COL27A1: variants seen among roughly 807,000 people sequenced by gnomAD.
COL27A1 encodes the protein collagen alpha-1(XXVII) chain.
COL27A1 carries 106 observed loss-of-function variants against 251.3 expected under a neutral mutation model. That is an observed-to-expected ratio of 0.42 (90% confidence interval 0.36 to 0.50). The LOEUF (loss-of-function observed/expected upper bound fraction) is 0.50. Ranked by LOEUF, COL27A1 falls within the 20% of genes least tolerant of loss-of-function variation. COL27A1 has a pLI of 0.00. For synonymous variants in COL27A1, 1,000 were observed against 986.3 expected, an observed-to-expected ratio of 1.01 and a Z score of -0.26; for missense variants, 2,325 against 2,522.8, an observed-to-expected ratio of 0.92 and a Z score of 1.68.
intron 3 of COL27A1, among the ~76,000 whole-genome samples, chr9:114,173,337 G>C (rs1849457774): frequency 6.6e-6 from 1 of 152,268 alleles, no homozygotes; most frequent in African/African-American, 2.4e-5. Flanking sequence ...CACGTGCTCT[G>C]TGACTATCTA....
chr9:114,235,295 G>T (rs1468265202), intron 16 of COL27A1, among the ~76,000 whole-genome samples: 1 of 152,180 alleles, frequency 6.6e-6, no homozygotes, highest in African/African-American at 2.4e-5. Context: ...CACTTGATTT[G>T]CTCTGCATCA....
intron 44 of COL27A1, 57 bp from the exon 45 acceptor site, chr9:114,289,157 CCCCTCCCCCTCCAGGCGGAGACTGGCCA>C: frequency 7.9e-7 from 1 of 1,266,836 alleles, no homozygotes; most frequent in Non-Finnish European, 1.1e-6. Context: ...CCCCTCCCCA[CCCCTCCCCCTCCAGGCGGAGACTGGCCA>C]CCCTCCCCGG....
At chr9:114,238,340 T>C (rs1157652897) in intron 19 of COL27A1, among the ~76,000 whole-genome samples, 1 of 152,224 alleles carries the variant, frequency 6.6e-6, no homozygotes, top group African/African-American at 2.4e-5. Context: ...GGGTTCTTTT[T>C]GACGCCCCCG....
rs756468909 is a variant in COL27A1 at position 114,309,244 on chromosome 9, C to T, written c.5218-16C>T. Reference sequence around the variant, plus strand: ...GGGGGCAGCCTGAGCCGCTCACTGCCGTTGCTTCTCTATAGGTCGAGTTTG... The same window carrying T: ...GGGGGCAGCCTGAGCCGCTCACTGCTGTTGCTTCTCTATAGGTCGAGTTTG... On this transcript the variant is annotated splice_polypyrimidine_tract_variant and intron_variant, in intron 59 of 60. Transcript: ENST00000356083. The T allele has an allele frequency of 1.6e-5, 25 of 1,612,224 alleles. No homozygotes were observed. The highest frequency in any genetic ancestry group is 6.7e-5 in the African/African-American group (5 of 74,864).
intron 28 of COL27A1, among the ~76,000 whole-genome samples, chr9:114,260,867 C>T (rs923943646): frequency 2.6e-5 from 4 of 152,186 alleles, no homozygotes; most frequent in Non-Finnish European, 5.9e-5. Context: ...AGGTTAGAGA[C>T]TTTAATTCCT....
At chr9:114,299,486 A>G (rs1828468973) in intron 49 of COL27A1, among the ~76,000 whole-genome samples, 2 of 152,174 alleles carry the variant, frequency 1.3e-5, no homozygotes, top group South Asian at 4.1e-4. Context: ...AAGGAGGCCA[A>G]AGGTTCCTGG....
chr9:114,275,750 T>A lies in COL27A1; in HGVS notation c.3699T>A (p.Pro1233=), dbSNP rs1835459357. 1 of 1,547,884 alleles carries A rather than the reference T, an allele frequency of 6.5e-7. No individual in the cohort carries two copies. The highest frequency in any genetic ancestry group is 2.4e-5 in the East Asian group (1 of 40,876). Residue 1233 remains proline (P), a synonymous_variant, in exon 37 of 61, where the codon CCT becomes CCA. Coordinates refer to ENST00000356083, the MANE Select transcript of COL27A1 (RefSeq NM_032888.4). ...LMGEDGPPGP[P]GVTGVRGPEG... The stretch of plus-strand genomic sequence containing the variant: ...GTGAGGACGGGCCCCCCGGCCCCCC[T>A]GGCGTCACTGGTGTCCGGGTGAGTG...
intron 34 of COL27A1, 55 bp from the exon 35 acceptor site, chr9:114,269,186 G>A (rs376560335): frequency 3.5e-5 from 47 of 1,327,486 alleles, no homozygotes; most frequent in African/African-American, 8.9e-5. Context: ...AAGGGGTGTC[G>A]AGAGCTGGGG....
chr9:114,160,890 G>A (rs1016961822), intron 1 of COL27A1, among the ~76,000 whole-genome samples: 1 of 152,182 alleles, frequency 6.6e-6, no homozygotes, highest in African/African-American at 2.4e-5. Context: ...TCTACATGAT[G>A]GGAGTAGCAT....
intron 35 of COL27A1, 147 bp downstream of exon 35, chr9:114,269,441 C>T: frequency 1.8e-6 from 1 of 556,062 alleles, no homozygotes; most frequent in Non-Finnish European, 3.2e-6. Flanking sequence ...CGCCCAGTCT[C>T]TCTTGGTAGG....
chr9:114,192,494 T>C (rs1291592474), intron 5 of COL27A1, among the ~76,000 whole-genome samples: 2 of 152,076 alleles, frequency 1.3e-5, no homozygotes, highest in South Asian at 4.1e-4. Context: ...GGGGCCCAGA[T>C]GGACAGAGTT....
chr9:114,300,113 T>C lies in COL27A1; in HGVS notation c.4628T>C (p.Phe1543Ser). The C allele has an allele frequency of 6.2e-7, 1 of 1,614,144 alleles. No individual in the cohort carries two copies. Among genetic ancestry groups the C allele is most frequent in the Non-Finnish European group, 8.5e-7 (1 of 1,179,992 alleles). The part of the protein sequence containing the change: ...EMGFPGMAGL[F>S]GPKGPPGDIG... ...GGCTTCCCAGGAATGGCAGGTCTCT[T>C]CGGACCCAAGGTATGGACTCCCACG... Residue 1543 changes from phenylalanine to serine, a missense_variant, in exon 50 of 61, where the codon TTC (phenylalanine) becomes TCC (serine). Phe to Ser is a radical substitution (Grantham distance 155). Transcript: ENST00000356083.
intron 36 of COL27A1, 148 bp downstream of exon 36, chr9:114,270,929 G>A: frequency 1.5e-6 from 1 of 682,578 alleles, no homozygotes; most frequent in Non-Finnish European, 2.6e-6. Flanking sequence ...TTGGGGAAGG[G>A]TCAGCAGTGT....
chr9:114,206,162 A>C, intron 9 of COL27A1, 90 bp from the exon 10 acceptor site: 1 of 1,248,804 alleles, frequency 8.0e-7, no homozygotes, highest in Non-Finnish European at 1.2e-6. Flanking sequence ...AGAGAGCAGC[A>C]GAGGCCCCAA....
At chr9:114,183,426 G>T (rs1453486510) in intron 5 of COL27A1, among the ~76,000 whole-genome samples, 3 of 152,194 alleles carry the variant, frequency 2.0e-5, no homozygotes, top group African/African-American at 7.2e-5. Flanking sequence ...GGAGGGATGT[G>T]GAAAGATGAC....
At chr9:114,207,991 G>A (rs1373461633) in intron 10 of COL27A1, among the ~76,000 whole-genome samples, 1 of 152,172 alleles carries the variant, frequency 6.6e-6, no homozygotes, top group African/African-American at 2.4e-5. Flanking sequence ...TTGAGGAGAG[G>A]CAGTATGCAG....
At chr9:114,219,953 C>A in intron 13 of COL27A1, 109 bp downstream of exon 13, 1 of 815,034 alleles carries the variant, frequency 1.2e-6, no homozygotes, top group South Asian at 1.4e-5. Flanking sequence ...AATCCCAGCC[C>A]TGTGAAGTAC....
chr9:114,262,938 AT>A (rs386415960), intron 28 of COL27A1, among the ~76,000 whole-genome samples: 63 of 127,056 alleles, frequency 5.0e-4, no homozygotes, highest in South Asian at 1.5e-3. Context: ...TCCTTGTTTG[AT>A]TTTTTTTTTT....
At chr9:114,289,960 C>T (rs557138442) in intron 45 of COL27A1, 98 bp from the exon 46 acceptor site, 1 of 1,356,826 alleles carries the variant, frequency 7.4e-7, no homozygotes, top group East Asian at 2.3e-5. Flanking sequence ...CAGATGTTCA[C>T]CCAGGGGCCC....
Sources: gnomAD v4.1 joint callset for allele counts (sites outside exome capture counted in the v4.1 genomes callset) on GRCh38, gnomAD v4.1.1 for gene constraint, MANE v1.5 for transcripts, NCBI Gene and HGNC (gene_info 2026-07-23, HGNC 2026-07-21) for gene names.